FAM3C: variants seen among roughly 807,000 people sequenced by gnomAD.
The protein encoded by FAM3C is FAM3 metabolism regulating signaling molecule C.
FAM3C carries 15 observed loss-of-function variants against 32.5 expected under a neutral mutation model. The observed-to-expected ratio is 0.46, with a 90% confidence interval of 0.31 to 0.71. The LOEUF (loss-of-function observed/expected upper bound fraction) is 0.71. Ranked by LOEUF, FAM3C falls within the 30% of genes least tolerant of loss-of-function variation. FAM3C has a pLI of 0.05. For missense variants in FAM3C, 175 were observed against 274.4 expected (o/e 0.64, Z 2.56); for synonymous variants, 75 against 86.1 (o/e 0.87, Z 0.72).
intron 5 of FAM3C, among the ~76,000 whole-genome samples, chr7:121,370,510 C>T (rs1342023160): frequency 3.3e-5 from 5 of 152,072 alleles, no homozygotes; most frequent in Non-Finnish European, 1.5e-5. Context: ...AAATAAGCCC[C>T]CATGTCTAGT....
intron 2 of FAM3C, among the ~76,000 whole-genome samples, chr7:121,382,103 A>G (rs1015426914): frequency 8.5e-5 from 13 of 152,178 alleles, no homozygotes. Context: ...AGAAATTTCC[A>G]TGTAAAGTAT....
intron 6 of FAM3C, 118 bp downstream of exon 6, chr7:121,364,012 C>A (rs925097587): frequency 1.4e-6 from 1 of 705,974 alleles, no homozygotes; most frequent in Non-Finnish European, 2.5e-6. Flanking sequence ...AGGGATGGGA[C>A]AGAGGGCTTT....
chr7:121,356,231 C>T (rs1793805652), intron 8 of FAM3C, among the ~76,000 whole-genome samples: 1 of 152,116 alleles, frequency 6.6e-6, no homozygotes, highest in Admixed American at 6.6e-5. Flanking sequence ...ACTGGCCAGA[C>T]CACATCTGGA....
intron 3 of FAM3C, among the ~76,000 whole-genome samples, chr7:121,375,436 T>C (rs1584701569): frequency 6.6e-6 from 1 of 152,076 alleles, no homozygotes; most frequent in African/African-American, 2.4e-5. Flanking sequence ...GGGATTTGGG[T>C]GCCACCCTAA....
chr7:121,376,342 G>C lies in FAM3C; in HGVS notation c.118+2568C>G, dbSNP rs377387291. Among the ~76,000 whole-genome samples the C allele has an allele frequency of 1.7e-4, 26 of 152,256 alleles. 1 individual carries two copies. In the East Asian group the frequency reaches 3.1e-3, roughly 18 times the overall value. Reference sequence around the variant, plus strand: ...GAAAACTTGTAAAGGAAGGTCTGACGGACAACGACTACAATTTAACTGAGG... The same window carrying C: ...GAAAACTTGTAAAGGAAGGTCTGACCGACAACGACTACAATTTAACTGAGG... On this transcript the variant is annotated intron_variant, in intron 3 of 9. Coordinates refer to ENST00000359943, the MANE Select transcript of FAM3C (RefSeq NM_014888.3).
At chr7:121,376,499 GA>G (rs1489304265) in intron 3 of FAM3C, among the ~76,000 whole-genome samples, 1 of 152,176 alleles carries the variant, frequency 6.6e-6, no homozygotes, top group East Asian at 1.9e-4. Flanking sequence ...CTTAGGACCA[GA>G]AGTATTTTGG....
intron 2 of FAM3C, among the ~76,000 whole-genome samples, chr7:121,381,478 G>C (rs149238193): frequency 6.6e-5 from 10 of 152,128 alleles, no homozygotes; most frequent in Admixed American, 2.0e-4. Context: ...CCTGGGAATT[G>C]TCAGAACCAG....
chr7:121,376,636 A>C (rs1158966342), intron 3 of FAM3C, among the ~76,000 whole-genome samples: 2 of 152,206 alleles, frequency 1.3e-5, no homozygotes, highest in East Asian at 3.8e-4. Context: ...GTCGATGTTC[A>C]AAAAGTTTCA....
At chr7:121,390,617 CT>C (rs916877778) in intron 1 of FAM3C, among the ~76,000 whole-genome samples, 39 of 152,024 alleles carry the variant, frequency 2.6e-4, no homozygotes, top group African/African-American at 9.2e-4. Context: ...ATCATATGTT[CT>C]TTGAACCTCT....
At chr7:121,382,508 G>A (rs1334922042) in intron 2 of FAM3C, among the ~76,000 whole-genome samples, 1 of 147,714 alleles carries the variant, frequency 6.8e-6, no homozygotes, top group African/African-American at 2.5e-5. Flanking sequence ...TCCCTAGGTT[G>A]TCAAACCATT....
intron 2 of FAM3C, among the ~76,000 whole-genome samples, chr7:121,382,333 C>T (rs925514115): frequency 6.6e-6 from 1 of 152,056 alleles, no homozygotes; most frequent in African/African-American, 2.4e-5. Context: ...CATAAACTCA[C>T]CTATGCAGAT....
intron 3 of FAM3C, among the ~76,000 whole-genome samples, chr7:121,375,672 A>C (rs979677326): frequency 6.6e-6 from 1 of 152,148 alleles, no homozygotes; most frequent in Admixed American, 6.5e-5. Flanking sequence ...ATCACTGGAG[A>C]GGAACCATCA....
intron 5 of FAM3C, among the ~76,000 whole-genome samples, chr7:121,367,456 A>T (rs1794044754): frequency 6.6e-6 from 1 of 152,198 alleles, no homozygotes; most frequent in Non-Finnish European, 1.5e-5. Context: ...TGATTATGTA[A>T]GTACATACAT....
At chr7:121,352,898 T>C (rs1398806393) in intron 8 of FAM3C, among the ~76,000 whole-genome samples, 2 of 152,212 alleles carry the variant, frequency 1.3e-5, no homozygotes, top group Non-Finnish European at 2.9e-5. Flanking sequence ...TATGGAAGTC[T>C]ACACTTGCAT....
intron 8 of FAM3C, among the ~76,000 whole-genome samples, chr7:121,355,501 G>A (rs1431523943): frequency 1.3e-5 from 2 of 152,120 alleles, no homozygotes; most frequent in South Asian, 4.1e-4. Context: ...AGGAAAGAAA[G>A]GGAAATAAAG....
intron 9 of FAM3C, 95 bp downstream of exon 9, chr7:121,351,048 G>A (rs979510193): frequency 6.1e-5 from 67 of 1,102,270 alleles, no homozygotes; most frequent in Non-Finnish European, 8.0e-5. Context: ...TTTACTATCC[G>A]CTTTATCTAA....
chr7:121,365,859 C>A (rs1320224338), intron 5 of FAM3C, among the ~76,000 whole-genome samples: 2 of 151,990 alleles, frequency 1.3e-5, no homozygotes, highest in African/African-American at 4.8e-5. Context: ...AATTACAATT[C>A]AATTATAAAG....
At position 121,362,936 on chromosome 7, in the gene FAM3C, C is replaced by G; in HGVS notation, c.343G>C (p.Glu115Gln). ...TCAAAATATTTAGTGTCTAATACTT[C>G]TCCTGTTTTTCCTAAAAGAGATTAA... is the stretch of plus-strand genomic sequence containing the variant. ...NVALANGKTG[E>Q]VLDTKYFDMW... The change falls in exon 7 of 10, where the codon GAA becomes CAA. Residue 115 changes from glutamate to glutamine, a missense_variant. By Grantham distance (29) the Glu-to-Gln change is conservative. Coordinates refer to ENST00000359943, the MANE Select transcript of FAM3C (RefSeq NM_014888.3). The G allele has an allele frequency of 6.6e-7, 1 of 1,509,658 alleles. No homozygotes were observed. Among genetic ancestry groups the G allele is most frequent in the South Asian group, 1.2e-5 (1 of 86,940 alleles). 93.5% of individuals were successfully genotyped at this position (1,509,658 alleles called of 1,614,324 possible).
chr7:121,383,061 C>T (rs1794389804), intron 1 of FAM3C, 51 bp from the exon 2 acceptor site: 3 of 977,474 alleles, frequency 3.1e-6, no homozygotes, highest in South Asian at 1.4e-5. Context: ...AGCAAACATT[C>T]CTCCTTAGAT....
Sources: allele counts gnomAD v4.1 joint callset (sites outside exome capture counted in the v4.1 genomes callset), GRCh38; gene constraint gnomAD v4.1.1; transcripts MANE v1.5; gene names NCBI Gene and HGNC (gene_info 2026-07-23, HGNC 2026-07-21).